ETS1: variants seen among roughly 807,000 people sequenced by gnomAD.
The protein encoded by ETS1 is protein C-ets-1.
ETS1 carries 15 observed loss-of-function variants against 58.6 expected under a neutral mutation model. The ratio of observed to expected loss-of-function variants is 0.26; its 90% CI spans 0.17 to 0.39. The LOEUF (loss-of-function observed/expected upper bound fraction) is 0.39. Ranked by LOEUF, ETS1 falls within the 10% of genes least tolerant of loss-of-function variation. The pLI is 1.00. For missense variants in ETS1, 417 were observed against 610.5 expected, an observed-to-expected ratio of 0.68 and a Z score of 3.34; for synonymous variants, 214 against 218.2, an observed-to-expected ratio of 0.98 and a Z score of 0.17.
At chr11:128,523,250 A>G (rs762162253) in intron 3 of ETS1, among the ~76,000 whole-genome samples, 4 of 152,232 alleles carry the variant, frequency 2.6e-5, no homozygotes, top group African/African-American at 9.6e-5. Flanking sequence ...ACAGAATCAC[A>G]ATGCACAGTT....
chr11:128,477,047 A>C (rs1862342359), intron 8 of ETS1, among the ~76,000 whole-genome samples: 1 of 152,252 alleles, frequency 6.6e-6, no homozygotes, highest in African/African-American at 2.4e-5. Flanking sequence ...TGGCTTCCGC[A>C]CTTACAGTGC....
At chr11:128,521,958 T>C (rs1294955556) in intron 3 of ETS1, 1 of 1,606,812 alleles carries the variant, frequency 6.2e-7, no homozygotes, top group East Asian at 2.3e-5. Context: ...GTCTTGATGA[T>C]GGTGAGAGTC....
In ETS1 at chr11:128,462,204, A is replaced by T; in HGVS notation, c.*157T>A. The T allele has an allele frequency of 1.6e-6, 1 of 622,470 alleles. No individual in the cohort carries two copies. Among genetic ancestry groups the T allele is most frequent in the Non-Finnish European group, 2.8e-6 (1 of 360,412 alleles). The allele number at this position is 622,470 out of a possible 1,614,324, so 38.6% of individuals were successfully genotyped here. On this transcript the variant is annotated 3_prime_UTR_variant, in exon 10 of 10. Transcript: ENST00000392668. ...GGCTTTCCTTTCCCAACTGCGCACA[A>T]TTGATTACAGCTGCAACTGACTTAG...
At chr11:128,500,566 T>C (rs1416002582) in intron 3 of ETS1, among the ~76,000 whole-genome samples, 2 of 152,188 alleles carry the variant, frequency 1.3e-5, no homozygotes, top group Non-Finnish European at 2.9e-5. Context: ...TCCTGCGTTC[T>C]AAGGCTTTTT....
chr11:128,490,693 A>C (rs902024073), intron 3 of ETS1, 117 bp from the exon 4 acceptor site: 2 of 626,368 alleles, frequency 3.2e-6, no homozygotes, highest in Non-Finnish European at 5.4e-6. Context: ...TAGCATCCTC[A>C]CCAGAGCACC....
intron 3 of ETS1, chr11:128,526,006 A>G (rs1863794096): frequency 6.6e-6 from 1 of 152,240 alleles, no homozygotes; most frequent in African/African-American, 2.4e-5. Flanking sequence ...CACCAAAGCC[A>G]CTTAACCTTT....
chr11:128,537,106 CTG>C (rs1384833514), intron 3 of ETS1, among the ~76,000 whole-genome samples: 1 of 152,154 alleles, frequency 6.6e-6, no homozygotes, highest in Non-Finnish European at 1.5e-5. Context: ...TCCAAGTCAG[CTG>C]TGCAAAATAC....
At chr11:128,540,785 T>C (rs11221339) in intron 3 of ETS1, among the ~76,000 whole-genome samples, 6,944 of 152,282 alleles carry the variant, frequency 0.046, 279 homozygotes, top group South Asian at 0.12. Context: ...AGGAATGGGA[T>C]ATTTCATTCA....
intron 3 of ETS1, among the ~76,000 whole-genome samples, chr11:128,542,383 G>A (rs1864069765): frequency 6.6e-6 from 1 of 152,112 alleles, no homozygotes; most frequent in Non-Finnish European, 1.5e-5. Context: ...GGAGGAAGAG[G>A]AGGGTAAAAG....
chr11:128,571,518 A>AGC lies in ETS1; in HGVS notation c.69+1543_69+1544insGC, dbSNP rs1864633120. The stretch of plus-strand genomic sequence containing the variant: ...GACTCCGTCAAAAAAAAAAAAAAAA[A>AGC]AAAAAAAAAAAAAAAAAAAAAAAAA... On this transcript the variant is annotated intron_variant, in intron 2 of 9. Coordinates refer to ENST00000392668, the MANE Select transcript of ETS1 (RefSeq NM_001143820.2). Among the ~76,000 whole-genome samples, 424 of 44,610 alleles carry AGC rather than the reference A, an allele frequency of 9.5e-3. 63 individuals carry two copies. The highest frequency in any genetic ancestry group is 0.04 in the African/African-American group (396 of 9,812). 29.3% of individuals were successfully genotyped at this position (44,610 alleles called of 152,430 possible).
intron 1 of ETS1, among the ~76,000 whole-genome samples, chr11:128,586,423 G>T (rs1237768451): frequency 6.6e-6 from 1 of 152,118 alleles, no homozygotes; most frequent in Admixed American, 6.5e-5. Context: ...TGAAGAAAAA[G>T]CGTTTTCTCT....
At chr11:128,552,733 G>A (rs1375110965) in intron 3 of ETS1, among the ~76,000 whole-genome samples, 2 of 152,048 alleles carry the variant, frequency 1.3e-5, no homozygotes, top group Non-Finnish European at 2.9e-5. Context: ...GAGGTCTTGT[G>A]TCCTGTGTGC....
intron 8 of ETS1, among the ~76,000 whole-genome samples, chr11:128,467,015 T>G (rs1271486670): frequency 6.6e-6 from 1 of 152,164 alleles, no homozygotes; most frequent in Non-Finnish European, 1.5e-5. Flanking sequence ...CACATTTTTG[T>G]ACCAAGTGAG....
intron 5 of ETS1, among the ~76,000 whole-genome samples, chr11:128,488,732 G>C (rs1862708325): frequency 6.6e-6 from 1 of 152,178 alleles, no homozygotes; most frequent in Admixed American, 6.5e-5. Flanking sequence ...GTCATTATAA[G>C]GTTGCAACAT....
chr11:128,546,101 C>A (rs1319281622), intron 3 of ETS1, among the ~76,000 whole-genome samples: 1 of 152,210 alleles, frequency 6.6e-6, no homozygotes. Flanking sequence ...CTAAGAATAT[C>A]CACCTGATAT....
chr11:128,523,643 C>T (rs1483074993), intron 3 of ETS1, among the ~76,000 whole-genome samples: 1 of 152,232 alleles, frequency 6.6e-6, no homozygotes, highest in African/African-American at 2.4e-5. Flanking sequence ...AGATTTCCCA[C>T]AGCAAATCGG....
chr11:128,564,890 C>T (rs1053752835), intron 2 of ETS1, among the ~76,000 whole-genome samples: 1 of 151,822 alleles, frequency 6.6e-6, no homozygotes, highest in Non-Finnish European at 1.5e-5. Flanking sequence ...TCAATTTGCT[C>T]AGCAATCTAC....
intron 5 of ETS1, among the ~76,000 whole-genome samples, chr11:128,488,732 G>A (rs1862708325): frequency 6.6e-6 from 1 of 152,178 alleles, no homozygotes; most frequent in African/African-American, 2.4e-5. Context: ...GTCATTATAA[G>A]GTTGCAACAT....
intron 1 of ETS1, among the ~76,000 whole-genome samples, chr11:128,580,176 TAA>T (rs140049360): frequency 0.36 from 37,218 of 102,384 alleles, 6,738 homozygotes; most frequent in East Asian, 0.55. Flanking sequence ...GTTTGGACAT[TAA>T]AAAAAAAAAA....
Sources: allele counts gnomAD v4.1 joint callset (sites outside exome capture counted in the v4.1 genomes callset), GRCh38; gene constraint gnomAD v4.1.1; transcripts MANE v1.5; gene names NCBI Gene and HGNC (gene_info 2026-07-23, HGNC 2026-07-21).